Variants in SHTN1 observed in about 807,000 individuals in gnomAD.
SHTN1 encodes the protein shootin 1.
Under a neutral mutation model 83.1 loss-of-function variants are expected in SHTN1, and 42 were observed. The observed-to-expected ratio is 0.51, with a 90% CI of 0.39 to 0.65. SHTN1 has a LOEUF of 0.65. Ranked by LOEUF, SHTN1 falls within the 30% of genes least tolerant of loss-of-function variation. SHTN1 has a pLI of 0.00. For missense variants in SHTN1, 622 were observed against 737.8 expected (o/e 0.84, Z 1.82); for synonymous variants, 224 against 247.7 (o/e 0.90, Z 0.90).
rs914651027 is a variant in SHTN1 at position 116,884,288 on chromosome 10, C to G, written c.*2056G>C. On this transcript the variant is annotated 3_prime_UTR_variant, in exon 17 of 17. Transcript: ENST00000355371. ...TCACCCCAGCCAGGGGCAAAACCCCCTCAAAACCAAAGTGAAAAGGGAAAA... is the reference window on the plus strand; with the variant it reads ...TCACCCCAGCCAGGGGCAAAACCCCGTCAAAACCAAAGTGAAAAGGGAAAA... The G allele has an allele frequency of 4.4e-5, 20 of 457,698 alleles. No homozygotes were observed. The highest frequency in any genetic ancestry group is 7.9e-5 in the Non-Finnish European group (18 of 227,146). The allele number at this position is 457,698 out of a possible 1,614,324, so 28.4% of individuals were successfully genotyped here.
intron 1 of SHTN1, among the ~76,000 whole-genome samples, chr10:117,086,824 T>C (rs1853359354): frequency 6.6e-6 from 1 of 152,210 alleles, no homozygotes; most frequent in African/African-American, 2.4e-5. Flanking sequence ...GAGCATTATT[T>C]ATGTGAGCTT....
chr10:116,974,471 T>TA (rs1162588873), intron 2 of SHTN1, among the ~76,000 whole-genome samples: 1 of 152,114 alleles, frequency 6.6e-6, no homozygotes, highest in Non-Finnish European at 1.5e-5. Context: ...ATTTTAACAA[T>TA]AGACAACTGA....
At chr10:117,109,725 T>C (rs1162832080) in intron 1 of SHTN1, among the ~76,000 whole-genome samples, 2 of 151,760 alleles carry the variant, frequency 1.3e-5, no homozygotes, top group African/African-American at 2.4e-5. Context: ...CCATCATGCC[T>C]GGATAATTTC....
chr10:116,981,248 A>G (rs1851009305), intron 1 of SHTN1, among the ~76,000 whole-genome samples: 1 of 152,098 alleles, frequency 6.6e-6, no homozygotes, highest in Non-Finnish European at 1.5e-5. Context: ...GAACCCGGGA[A>G]GCAGAGGTTG....
At chr10:116,989,799 C>T (rs754456003) in intron 1 of SHTN1, among the ~76,000 whole-genome samples, 19 of 152,176 alleles carry the variant, frequency 1.2e-4, no homozygotes, top group Admixed American at 6.5e-4. Flanking sequence ...TACTTTTCGG[C>T]CTCGCGATGT....
At chr10:116,970,575 G>A (rs1486796759) in intron 2 of SHTN1, among the ~76,000 whole-genome samples, 3 of 151,964 alleles carry the variant, frequency 2.0e-5, no homozygotes, top group African/African-American at 4.8e-5. Flanking sequence ...TTAGCTGGGC[G>A]TGGTGGCACA....
intron 1 of SHTN1, among the ~76,000 whole-genome samples, chr10:117,059,842 G>T (rs999413745): frequency 1.3e-5 from 2 of 152,118 alleles, no homozygotes; most frequent in African/African-American, 4.8e-5. Context: ...ACTGGCTAAA[G>T]GATACATAGA....
At chr10:117,096,201 T>C (rs1237924631) in intron 1 of SHTN1, among the ~76,000 whole-genome samples, 1 of 152,238 alleles carries the variant, frequency 6.6e-6, no homozygotes, top group Non-Finnish European at 1.5e-5. Context: ...ATTTGGTTAT[T>C]GTGCTTAAAA....
chr10:117,093,344 A>G (rs533142089), intron 1 of SHTN1, among the ~76,000 whole-genome samples: 19 of 152,190 alleles, frequency 1.2e-4, no homozygotes, highest in Admixed American at 1.2e-3. Flanking sequence ...CTATCTTTCA[A>G]GCTCACACCA....
chr10:116,984,497 T>C (rs1851157973), intron 1 of SHTN1, among the ~76,000 whole-genome samples: 1 of 152,104 alleles, frequency 6.6e-6, no homozygotes. Flanking sequence ...TTCCCTTCCC[T>C]ACTCCCTGTA....
chr10:117,014,379 A>G (rs893071680), intron 2 of SHTN1, among the ~76,000 whole-genome samples: 2 of 152,212 alleles, frequency 1.3e-5, no homozygotes, highest in African/African-American at 4.8e-5. Flanking sequence ...TTACTAATAT[A>G]TGACATTACC....
intron 1 of SHTN1, among the ~76,000 whole-genome samples, chr10:117,095,460 G>T (rs925378981): frequency 2.6e-5 from 4 of 152,150 alleles, no homozygotes; most frequent in African/African-American, 9.7e-5. Context: ...CTGTATTAAG[G>T]TTTGCTTCGA....
chr10:117,059,049 A>G (rs916341185), intron 1 of SHTN1, among the ~76,000 whole-genome samples: 4 of 152,186 alleles, frequency 2.6e-5, no homozygotes, highest in African/African-American at 9.7e-5. Context: ...AGTTATAGAA[A>G]TGGATGATGG....
At chr10:116,937,760 C>A (rs1312205175) in intron 9 of SHTN1, among the ~76,000 whole-genome samples, 2 of 152,060 alleles carry the variant, frequency 1.3e-5, no homozygotes, top group Non-Finnish European at 2.9e-5. Flanking sequence ...AAAGTGTTTT[C>A]CAACTTGGTT....
chr10:116,927,442 C>CA (rs1848782054), intron 11 of SHTN1, among the ~76,000 whole-genome samples: 1 of 152,066 alleles, frequency 6.6e-6, no homozygotes, highest in Non-Finnish European at 1.5e-5. Context: ...TGGCGGAAGG[C>CA]AAGGAGAAGC....
At chr10:117,015,633 T>C (rs1436627870) in intron 2 of SHTN1, among the ~76,000 whole-genome samples, 1 of 152,090 alleles carries the variant, frequency 6.6e-6, no homozygotes, top group African/African-American at 2.4e-5. Context: ...GCCCGGCCTG[T>C]AGTAATGTTT....
At chr10:117,028,287 C>T (rs954159648) in intron 2 of SHTN1, among the ~76,000 whole-genome samples, 8 of 151,968 alleles carry the variant, frequency 5.3e-5, no homozygotes, top group African/African-American at 7.3e-5. Context: ...AAAGAAATGA[C>T]CTAAAGTTGG....
In SHTN1 at chr10:117,059,989, T is replaced by C. The variant is rs1424963548; in HGVS notation, c.-188-11479A>G. On this transcript the variant is annotated intron_variant, in intron 1 of 17. Coordinates refer to the SHTN1 transcript ENST00000392901. ...ACTTTGGGAGGCCAACGTGGGAGGA[T>C]CTCTTGAGGCCAAGAGTTTGAGACC... Among the ~76,000 whole-genome samples, 5 of 152,232 alleles carry C rather than the reference T, an allele frequency of 3.3e-5. No individual in the cohort carries two copies. In the East Asian group the frequency reaches 9.7e-4, roughly 29 times the overall value.
chr10:116,999,109 G>T (rs1257221570), intron 1 of SHTN1, among the ~76,000 whole-genome samples: 1 of 152,002 alleles, frequency 6.6e-6, no homozygotes, highest in African/African-American at 2.4e-5. Flanking sequence ...GATTATACGC[G>T]TGAGCCAACA....
Sources: gnomAD v4.1 joint callset for allele counts (sites outside exome capture counted in the v4.1 genomes callset) on GRCh38, gnomAD v4.1.1 for gene constraint, MANE v1.5 for transcripts, NCBI Gene and HGNC (gene_info 2026-07-23, HGNC 2026-07-21) for gene names.